Variants in VSTM2L observed in about 807,000 individuals in gnomAD.
VSTM2L encodes V-set and transmembrane domain containing 2 like, also known as V-set and transmembrane domain-containing protein 2-like protein.
Under a neutral mutation model 19.9 loss-of-function variants are expected in VSTM2L, and 9 were observed. That is an observed-to-expected ratio of 0.45 (90% CI 0.27 to 0.79). VSTM2L has a LOEUF of 0.79. VSTM2L is among the 30% of genes least tolerant of loss of function. The pLI is 0.15. For missense variants in VSTM2L, 286 were observed against 295.5 expected (o/e 0.97, Z 0.24); for synonymous variants, 127 against 133.8 (o/e 0.95, Z 0.35).
chr20:37,933,485 A>G (rs752850280), intron 2 of VSTM2L, 54 bp from the exon 3 acceptor site: 46 of 828,094 alleles, frequency 5.6e-5, no homozygotes, highest in Non-Finnish European at 7.8e-5. Context: ...CCCCACCCCC[A>G]CCCTGTGCTA....
chr20:37,944,215 A>G lies in VSTM2L; in HGVS notation c.577A>G (p.Arg193Gly). ...PPPPKPGKEL[R>G]KRSVDQEACS... ...GCCCCCCAAGCCAGGCAAGGAGCTG[A>G]GGAAGCGCTCGGTGGACCAGGAGGC... Residue 193 changes from arginine to glycine, a missense_variant, in exon 4 of 4, where the codon AGG becomes GGG. Arg to Gly is a moderately radical substitution (Grantham distance 125). Coordinates refer to ENST00000373461, the MANE Select transcript of VSTM2L (RefSeq NM_080607.3). 1 of 1,356,242 alleles carries G rather than the reference A, an allele frequency of 7.4e-7. No homozygotes were observed. Among genetic ancestry groups the G allele is most frequent in the Non-Finnish European group, 9.7e-7 (1 of 1,032,346 alleles). The allele number at this position is 1,356,242 out of a possible 1,614,324, so 84.0% of individuals were successfully genotyped here.
At chr20:37,933,398 G>A (rs2072921713) in intron 2 of VSTM2L, 141 bp from the exon 3 acceptor site, 1 of 663,450 alleles carries the variant, frequency 1.5e-6, no homozygotes, top group Non-Finnish European at 2.5e-6. Flanking sequence ...AGACTCCATG[G>A]CCCCCGAGCC....
intron 1 of VSTM2L, among the ~76,000 whole-genome samples, chr20:37,929,046 T>C (rs1222653893): frequency 6.6e-6 from 1 of 152,208 alleles, no homozygotes; most frequent in African/African-American, 2.4e-5. Flanking sequence ...GAAAGTCCTG[T>C]TGGCCAGTGC....
At chr20:37,914,389 G>GTAT (rs1568835303) in intron 1 of VSTM2L, among the ~76,000 whole-genome samples, 1 of 3,628 alleles carries the variant, frequency 2.8e-4, no homozygotes, top group Non-Finnish European at 5.4e-4. Flanking sequence ...TGTATGTGTG[G>GTAT]GTGTGTGTAT....
chr20:37,941,547 T>G (rs1363458681), intron 3 of VSTM2L, among the ~76,000 whole-genome samples: 1 of 152,184 alleles, frequency 6.6e-6, no homozygotes, highest in African/African-American at 2.4e-5. Flanking sequence ...AGGGCGCACT[T>G]TCTCATCCTG....
chr20:37,943,922 CTCT>C (rs2072989626), intron 3 of VSTM2L, 56 bp from the exon 4 acceptor site: 1 of 373,280 alleles, frequency 2.7e-6, no homozygotes, highest in East Asian at 9.8e-5. Flanking sequence ...CCCCCCCCGA[CTCT>C]TCTTCTCCCC....
chr20:37,903,593 C>G, intron 1 of VSTM2L, 122 bp downstream of exon 1: 1 of 1,294,770 alleles, frequency 7.7e-7, no homozygotes, highest in Non-Finnish European at 9.8e-7. Context: ...CCGGGGCGCC[C>G]CCTGCCGGCG....
intron 3 of VSTM2L, among the ~76,000 whole-genome samples, chr20:37,943,137 T>C (rs554438483): frequency 6.6e-6 from 1 of 151,960 alleles, no homozygotes; most frequent in African/African-American, 2.4e-5. Flanking sequence ...CCCCGGCTAG[T>C]TTTTGTATTT....
intron 1 of VSTM2L, among the ~76,000 whole-genome samples, chr20:37,916,020 C>T (rs1568835959): frequency 6.6e-6 from 1 of 152,220 alleles, no homozygotes; most frequent in Non-Finnish European, 1.5e-5. Context: ...TTCTGGCGTG[C>T]TGGAGCAAAT....
chr20:37,916,567 T>C (rs1412102560), intron 1 of VSTM2L, among the ~76,000 whole-genome samples: 1 of 152,248 alleles, frequency 6.6e-6, no homozygotes, highest in African/African-American at 2.4e-5. Context: ...GCTTGCCGGC[T>C]CCAGCACTTC....
In VSTM2L at chr20:37,944,093, C is replaced by T. The variant is rs1268382439; in HGVS notation, c.455C>T (p.Ala152Val). The T allele has an allele frequency of 6.2e-7, 1 of 1,613,002 alleles. No individual in the cohort carries two copies. The highest frequency in any genetic ancestry group is 8.5e-7 in the Non-Finnish European group (1 of 1,179,398). The part of the protein sequence containing the change: ...CRVIDFSDGK[A>V]RHHKVKAYLR... The stretch of plus-strand genomic sequence containing the variant: ...GTCATCGACTTCAGCGACGGCAAGG[C>T]CCGGCACCACAAGGTCAAGGCCTAC... The change falls in exon 4 of 4, where the codon GCC becomes GTC. Residue 152 changes from alanine (A) to valine (V), a missense_variant. Ala to Val is a moderately conservative substitution (Grantham distance 64, BLOSUM62 0). Transcript: ENST00000373461.
In VSTM2L at chr20:37,944,236, G is replaced by C; in HGVS notation, c.598G>C (p.Glu200Gln). Residue 200 changes from glutamate (E) to glutamine (Q), a missense_variant, in exon 4 of 4, where the codon GAG (glutamate) becomes CAG (glutamine). By Grantham distance (29) the Glu-to-Gln change is conservative. Coordinates refer to ENST00000373461, the MANE Select transcript of VSTM2L (RefSeq NM_080607.3). The part of the protein sequence containing the change: ...KELRKRSVDQ[E>Q]ACSL ...GCTGAGGAAGCGCTCGGTGGACCAG[G>C]AGGCCTGCAGCCTCTAGACTGATGC... 1.3e-6 allele frequency: 2 copies of C among 1,513,690 alleles called. No homozygotes were observed. The highest frequency in any genetic ancestry group is 1.8e-6 in the Non-Finnish European group (2 of 1,125,074). 93.8% of individuals were successfully genotyped at this position (1,513,690 alleles called of 1,614,324 possible).
chr20:37,914,354 T>C (rs1436313167), intron 1 of VSTM2L, among the ~76,000 whole-genome samples: 5 of 858 alleles, frequency 5.8e-3, no homozygotes, highest in Non-Finnish European at 0.01. Context: ...TGCATGTGTG[T>C]GGGGTGTTTA....
chr20:37,914,274 CTG>C (rs763149336), intron 1 of VSTM2L, among the ~76,000 whole-genome samples: 6 of 139,166 alleles, frequency 4.3e-5, no homozygotes, highest in East Asian at 2.1e-4. Context: ...TGTGTGGTGT[CTG>C]TGTGTATATG....
chr20:37,937,824 A>G (rs1385550433), intron 3 of VSTM2L, among the ~76,000 whole-genome samples: 5 of 152,212 alleles, frequency 3.3e-5, no homozygotes, highest in African/African-American at 1.2e-4. Flanking sequence ...GGGGTATCTG[A>G]TCTAGCCTGG....
chr20:37,922,717 G>A (rs1246172308), intron 1 of VSTM2L, among the ~76,000 whole-genome samples: 1 of 152,192 alleles, frequency 6.6e-6, no homozygotes, highest in South Asian at 2.1e-4. Context: ...GGAGATTCAG[G>A]GCTGGACCAG....
chr20:37,931,854 C>T (rs1322591445), intron 2 of VSTM2L, 50 bp downstream of exon 2: 10 of 1,576,814 alleles, frequency 6.3e-6, no homozygotes, highest in Non-Finnish European at 6.0e-6. Context: ...GTCCTGGTCC[C>T]TGGGGTAGGG....
chr20:37,937,421 A>G (rs2072947004), intron 3 of VSTM2L, among the ~76,000 whole-genome samples: 1 of 152,182 alleles, frequency 6.6e-6, no homozygotes, highest in East Asian at 1.9e-4. Flanking sequence ...AATCATTTCC[A>G]TGGCTCAGGC....
intron 1 of VSTM2L, among the ~76,000 whole-genome samples, chr20:37,918,995 C>A (rs1446760582): frequency 6.6e-6 from 1 of 152,200 alleles, no homozygotes; most frequent in African/African-American, 2.4e-5. Flanking sequence ...CAGGTTCAAT[C>A]CCAGCCATTG....
Sources: gnomAD v4.1 joint callset for allele counts (sites outside exome capture counted in the v4.1 genomes callset) on GRCh38, gnomAD v4.1.1 for gene constraint, MANE v1.5 for transcripts, NCBI Gene and HGNC (gene_info 2026-07-23, HGNC 2026-07-21) for gene names.